The following COMMD10 variants were observed in gnomAD, a reference collection of about 807,000 sequenced individuals.
COMMD10 encodes the protein COMM domain-containing protein 10.
COMMD10 carries 33 observed loss-of-function variants against 28.9 expected under a neutral mutation model. That is an observed-to-expected ratio of 1.14 (90% CI 0.87 to 1.53). The LOEUF (loss-of-function observed/expected upper bound fraction) is 1.53. Ranked by LOEUF, COMMD10 falls within the 40% of genes most tolerant of loss-of-function variation. The probability of loss-of-function intolerance (pLI) is 0.00; values close to 1 mark genes in which losing one functional copy is unlikely to be tolerated. For missense variants in COMMD10, 310 were observed against 233.4 expected (o/e 1.33, Z -2.14); for synonymous variants, 110 against 81.7 (o/e 1.35, Z -1.87).
intron 5 of COMMD10, among the ~76,000 whole-genome samples, chr5:116,285,984 C>G (rs1271397495): frequency 6.6e-6 from 1 of 151,826 alleles, no homozygotes; most frequent in Non-Finnish European, 1.5e-5. Context: ...GTGAAGCCAT[C>G]TGGTCCTGGG....
intron 5 of COMMD10, among the ~76,000 whole-genome samples, chr5:116,159,401 C>A (rs1251723984): frequency 6.6e-6 from 1 of 152,184 alleles, no homozygotes; most frequent in Non-Finnish European, 1.5e-5. Flanking sequence ...TGCTGTTTCC[C>A]TTCTGTTAGG....
intron 5 of COMMD10, among the ~76,000 whole-genome samples, chr5:116,266,870 G>A (rs777922733): frequency 1.3e-5 from 2 of 151,844 alleles, no homozygotes; most frequent in African/African-American, 2.4e-5. Flanking sequence ...AATAGATGCA[G>A]AAAAGGCCTT....
At chr5:116,241,596 T>G (rs1159951417) in intron 5 of COMMD10, among the ~76,000 whole-genome samples, 5 of 147,934 alleles carry the variant, frequency 3.4e-5, no homozygotes, top group African/African-American at 1.2e-4. Flanking sequence ...ATTTATTTAT[T>G]TATTTATTTA....
intron 2 of COMMD10, among the ~76,000 whole-genome samples, chr5:116,090,265 G>C (rs887785763): frequency 1.3e-5 from 2 of 152,008 alleles, no homozygotes; most frequent in African/African-American, 4.8e-5. Flanking sequence ...TTGTTTCTTT[G>C]TTTGTTACAA....
intron 5 of COMMD10, among the ~76,000 whole-genome samples, chr5:116,187,854 T>G (rs1177873943): frequency 6.6e-6 from 1 of 151,890 alleles, no homozygotes; most frequent in Non-Finnish European, 1.5e-5. Context: ...CTTTATACCT[T>G]ACACTTTATT....
At chr5:116,092,843 C>T (rs1430945634) in intron 4 of COMMD10, 143 bp downstream of exon 4, 5 of 502,332 alleles carry the variant, frequency 1.0e-5, no homozygotes, top group Non-Finnish European at 1.7e-5. Context: ...CTTACAATGG[C>T]CTTACATCCT....
intron 4 of COMMD10, among the ~76,000 whole-genome samples, chr5:116,122,209 G>C (rs1007894162): frequency 2.0e-5 from 3 of 152,178 alleles, no homozygotes; most frequent in Admixed American, 6.5e-5. Context: ...TGGCTAGCCT[G>C]TTTTCCCAGC....
At chr5:116,172,559 GTTTT>G (rs1753370319) in intron 5 of COMMD10, among the ~76,000 whole-genome samples, 1 of 152,054 alleles carries the variant, frequency 6.6e-6, no homozygotes, top group African/African-American at 2.4e-5. Flanking sequence ...ATATTTAAGT[GTTTT>G]TTCTTCAGTC....
chr5:116,155,132 T>C lies in COMMD10; in HGVS notation c.510+20954T>C, dbSNP rs549299532. Among the ~76,000 whole-genome samples, 4 of 152,274 alleles carry C rather than the reference T, an allele frequency of 2.6e-5. No homozygotes were observed. In the South Asian group the frequency reaches 8.3e-4, roughly 32 times the overall value. The stretch of plus-strand genomic sequence containing the variant: ...TACATTGACTGAGTAAACAGCAGAT[T>C]CACCTTTTCCATCTCACAGTCACTC... On this transcript the variant is annotated intron_variant, in intron 5 of 6. Transcript: ENST00000274458.
chr5:116,189,599 A>G (rs138725273), intron 5 of COMMD10, among the ~76,000 whole-genome samples: 165 of 152,328 alleles, frequency 1.1e-3, no homozygotes, highest in African/African-American at 3.7e-3. Flanking sequence ...GACTAGTACA[A>G]TTCTCTTGGA....
chr5:116,262,571 A>ATT (rs1297932682), intron 5 of COMMD10, among the ~76,000 whole-genome samples: 1 of 151,784 alleles, frequency 6.6e-6, no homozygotes, highest in Non-Finnish European at 1.5e-5. Flanking sequence ...TTTCAAGTAC[A>ATT]TTAATTATGT....
intron 5 of COMMD10, among the ~76,000 whole-genome samples, chr5:116,221,479 A>G (rs1241599413): frequency 6.6e-6 from 1 of 152,060 alleles, no homozygotes; most frequent in African/African-American, 2.4e-5. Flanking sequence ...CAGTCCCTTA[A>G]TCTTATTACT....
chr5:116,243,661 C>A (rs11241380), intron 5 of COMMD10, among the ~76,000 whole-genome samples: 90,595 of 151,926 alleles, frequency 0.6, 31,167 homozygotes, highest in South Asian at 0.77. Flanking sequence ...ACAAGATATC[C>A]CTGGATTAAT....
At position 116,177,187 on chromosome 5, in the gene COMMD10, T is replaced by C. The variant is rs7703124; in HGVS notation, c.510+43009T>C. Reference sequence around the variant, plus strand: ...TAAGACAGGGATCCAGTGGACAAAGTGTCTTAATGGAGATGGGAAACTTGG... The same window carrying C: ...TAAGACAGGGATCCAGTGGACAAAGCGTCTTAATGGAGATGGGAAACTTGG... On this transcript the variant is annotated intron_variant, in intron 5 of 6. Coordinates refer to ENST00000274458, the MANE Select transcript of COMMD10 (RefSeq NM_016144.4). Among the ~76,000 whole-genome samples the C allele has an allele frequency of 7.9e-5, 12 of 151,830 alleles. No individual in the cohort carries two copies. The East Asian group carries it at 2.3e-3, about 29-fold the overall frequency.
At chr5:116,194,543 T>A (rs972328683) in intron 5 of COMMD10, among the ~76,000 whole-genome samples, 2 of 152,154 alleles carry the variant, frequency 1.3e-5, no homozygotes, top group Admixed American at 6.5e-5. Flanking sequence ...TGAACAACTT[T>A]ATGCACATAA....
chr5:116,224,666 C>T (rs1248995157), intron 5 of COMMD10, among the ~76,000 whole-genome samples: 4 of 147,378 alleles, frequency 2.7e-5, no homozygotes, highest in African/African-American at 1.1e-4. Flanking sequence ...GAGGGATCTT[C>T]CCCCAAGCCC....
intron 5 of COMMD10, among the ~76,000 whole-genome samples, chr5:116,284,313 T>A (rs1310838639): frequency 6.6e-6 from 1 of 151,018 alleles, no homozygotes; most frequent in African/African-American, 2.5e-5. Flanking sequence ...CACAGTATCA[T>A]CTAAAGGATT....
At chr5:116,134,469 T>C (rs1265212085) in intron 5 of COMMD10, among the ~76,000 whole-genome samples, 1 of 152,230 alleles carries the variant, frequency 6.6e-6, no homozygotes, top group Non-Finnish European at 1.5e-5. Context: ...GAGTGTTTCA[T>C]GTTTTAAGCT....
chr5:116,226,652 C>G (rs1387390993), intron 5 of COMMD10, among the ~76,000 whole-genome samples: 1 of 122,400 alleles, frequency 8.2e-6, no homozygotes, highest in Non-Finnish European at 1.6e-5. Context: ...CCTGTAGTAA[C>G]ACAAGGGAAA....
Sources: gnomAD v4.1 joint callset for allele counts (sites outside exome capture counted in the v4.1 genomes callset) on GRCh38, gnomAD v4.1.1 for gene constraint, MANE v1.5 for transcripts, NCBI Gene and HGNC (gene_info 2026-07-23, HGNC 2026-07-21) for gene names.